MTHFD2L: variants seen among roughly 807,000 people sequenced by gnomAD.
MTHFD2L encodes bifunctional methylenetetrahydrofolate dehydrogenase/cyclohydrolase 2, mitochondrial.
Under a neutral mutation model 34.9 loss-of-function variants are expected in MTHFD2L, and 29 were observed. That is an observed-to-expected ratio of 0.83 (90% confidence interval 0.62 to 1.13). The LOEUF is 1.13. Ranked by LOEUF, MTHFD2L falls within the 50% of genes most tolerant of loss-of-function variation. The pLI is 0.00. For synonymous variants in MTHFD2L, 167 were observed against 155.7 expected (o/e 1.07, Z -0.54); for missense variants, 481 against 446.5 (o/e 1.08, Z -0.70).
intron 1 of MTHFD2L, among the ~76,000 whole-genome samples, chr4:74,166,498 GT>G (rs1388931719): frequency 6.6e-6 from 1 of 152,172 alleles, no homozygotes; most frequent in Non-Finnish European, 1.5e-5. Flanking sequence ...TAAGGTTTCT[GT>G]TTGTAAGCTT....
At chr4:74,276,592 A>G (rs1746680977) in intron 6 of MTHFD2L, among the ~76,000 whole-genome samples, 1 of 152,140 alleles carries the variant, frequency 6.6e-6, no homozygotes, top group Non-Finnish European at 1.5e-5. Flanking sequence ...CTAATATTTA[A>G]ATCGATTTTG....
intron 5 of MTHFD2L, among the ~76,000 whole-genome samples, chr4:74,205,300 C>T (rs1439484533): frequency 2.0e-5 from 3 of 152,132 alleles, no homozygotes; most frequent in Admixed American, 6.5e-5. Flanking sequence ...ACTCCATGTG[C>T]ATTGTTAGCT....
rs186192004 is a variant in MTHFD2L, at chr4:74,261,812, C to T, written c.806-19613C>T. Reference sequence around the variant, plus strand: ...ACTTGCAAGTTGTGTGAGCTTGCTACCTAAGTTATAAGTTACTCAAGCTCT... The same window carrying T: ...ACTTGCAAGTTGTGTGAGCTTGCTATCTAAGTTATAAGTTACTCAAGCTCT... On this transcript the variant is annotated intron_variant, in intron 6 of 7. Transcript: ENST00000325278. Among the ~76,000 whole-genome samples, 1,118 of 152,048 alleles carry T rather than the reference C, an allele frequency of 7.4e-3. 5 individuals are homozygous for T. Among genetic ancestry groups the T allele is most frequent in the Non-Finnish European group, 0.012 (812 of 67,870 alleles).
rs778631780 is a variant in MTHFD2L, at chr4:74,199,781, A to T, written c.452-13A>T. On this transcript the variant is annotated splice_polypyrimidine_tract_variant and intron_variant, in intron 3 of 7. Coordinates refer to ENST00000325278, the MANE Select transcript of MTHFD2L (RefSeq NM_001144978.3). ...ACAATTTTAAAATTAGACAAATTTT[A>T]TTTATTTTTCAGACCACGTTGATGA... The T allele has an allele frequency of 6.3e-7, 1 of 1,578,272 alleles. No individual in the cohort carries two copies. Among genetic ancestry groups the T allele is most frequent in the African/African-American group, 1.4e-5 (1 of 73,160 alleles).
At chr4:74,260,568 C>T (rs1223266696) in intron 6 of MTHFD2L, among the ~76,000 whole-genome samples, 2 of 151,944 alleles carry the variant, frequency 1.3e-5, no homozygotes, top group Non-Finnish European at 2.9e-5. Context: ...ATGTTAATGA[C>T]ATAAATACTA....
At chr4:74,159,337 A>T (rs970458764) in intron 1 of MTHFD2L, among the ~76,000 whole-genome samples, 1 of 152,190 alleles carries the variant, frequency 6.6e-6, no homozygotes, top group African/African-American at 2.4e-5. Flanking sequence ...AGAATGTTCC[A>T]CTTAGTTTGG....
intron 5 of MTHFD2L, 26 bp downstream of exon 5, chr4:74,201,396 A>G (rs1345459191): frequency 1.6e-5 from 24 of 1,492,144 alleles, no homozygotes; most frequent in South Asian, 1.2e-4. Context: ...CAGATTCTAC[A>G]CTCTCTCGCA....
chr4:74,246,433 G>C (rs1005946383), intron 6 of MTHFD2L, among the ~76,000 whole-genome samples: 1 of 151,840 alleles, frequency 6.6e-6, no homozygotes, highest in African/African-American at 2.4e-5. Context: ...TAGGTTGCCT[G>C]TTCACTCTGA....
chr4:74,253,940 A>G (rs1165563258), intron 6 of MTHFD2L, among the ~76,000 whole-genome samples: 2 of 152,192 alleles, frequency 1.3e-5, no homozygotes, highest in Admixed American at 1.3e-4. Flanking sequence ...GACAGGCACC[A>G]GATCTGCCTT....
chr4:74,249,122 C>T (rs1742934979), intron 6 of MTHFD2L, among the ~76,000 whole-genome samples: 1 of 151,840 alleles, frequency 6.6e-6, no homozygotes, highest in Non-Finnish European at 1.5e-5. Context: ...GTCTAAGTCT[C>T]TTTGTAAGTC....
At chr4:74,160,770 A>G (rs1725263762) in intron 1 of MTHFD2L, 1 of 152,322 alleles carries the variant, frequency 6.6e-6, no homozygotes, top group South Asian at 2.1e-4. Flanking sequence ...AAAAGGCATC[A>G]CATGAGTTTG....
At chr4:74,170,353 C>T (rs943438623) in intron 1 of MTHFD2L, among the ~76,000 whole-genome samples, 1 of 152,160 alleles carries the variant, frequency 6.6e-6, no homozygotes, top group Non-Finnish European at 1.5e-5. Context: ...TATTAACAGA[C>T]TAACACTCGA....
intron 3 of MTHFD2L, among the ~76,000 whole-genome samples, chr4:74,186,197 T>G (rs1425448701): frequency 1.3e-5 from 2 of 151,988 alleles, no homozygotes; most frequent in African/African-American, 4.8e-5. Context: ...ATGAGAAACT[T>G]TCAAGTAACT....
chr4:74,200,093 G>A, intron 4 of MTHFD2L, 147 bp downstream of exon 4: 1 of 645,882 alleles, frequency 1.5e-6, no homozygotes, highest in South Asian at 3.2e-5. Flanking sequence ...ATATAAAATT[G>A]TAGAAGTCAA....
upstream of MTHFD2L, chr4:74,157,372 G>GT (rs1306582827): frequency 6.8e-6 from 2 of 292,026 alleles, no homozygotes; most frequent in East Asian, 9.6e-5. Context: ...ATCTGTGACT[G>GT]TTTTTTGTGT....
intron 6 of MTHFD2L, among the ~76,000 whole-genome samples, chr4:74,239,910 C>A (rs1489550321): frequency 1.3e-5 from 2 of 152,156 alleles, no homozygotes; most frequent in Non-Finnish European, 2.9e-5. Context: ...TACACAGACA[C>A]ATACACTCCC....
chr4:74,132,925 A>C (rs1722658890), intron 1 of MTHFD2L, among the ~76,000 whole-genome samples: 1 of 152,232 alleles, frequency 6.6e-6, no homozygotes, highest in African/African-American at 2.4e-5. Flanking sequence ...CACCACAATT[A>C]AATTATTAGC....
intron 3 of MTHFD2L, among the ~76,000 whole-genome samples, chr4:74,196,980 A>G (rs939918232): frequency 6.6e-6 from 1 of 151,604 alleles, no homozygotes; most frequent in African/African-American, 2.4e-5. Context: ...CAAAACATAT[A>G]TTCATTCAAT....
At chr4:74,270,922 T>A (rs1359347463) in intron 6 of MTHFD2L, among the ~76,000 whole-genome samples, 1 of 152,036 alleles carries the variant, frequency 6.6e-6, no homozygotes, top group Non-Finnish European at 1.5e-5. Context: ...TGATGGCCAG[T>A]GAGGATGAGC....
Sources: gnomAD v4.1 joint callset for allele counts (sites outside exome capture counted in the v4.1 genomes callset) on GRCh38, gnomAD v4.1.1 for gene constraint, MANE v1.5 for transcripts, NCBI Gene and HGNC (gene_info 2026-07-23, HGNC 2026-07-21) for gene names.